The following SMIM31 variants were observed in gnomAD, a reference collection of about 807,000 sequenced individuals.
SMIM31 encodes small integral membrane protein 31.
chr4:164,781,654 A>T (rs6855375), intron 2 of SMIM31, among the ~76,000 whole-genome samples: 11,796 of 152,000 alleles, frequency 0.078, 1,278 homozygotes, highest in African/African-American at 0.24. Flanking sequence ...CACTTCCCCA[A>T]CCCACCTCGT....
intron 2 of SMIM31, among the ~76,000 whole-genome samples, chr4:164,784,234 A>G (rs1006573650): frequency 9.9e-5 from 15 of 152,214 alleles, no homozygotes; most frequent in African/African-American, 3.6e-4. Context: ...TAAGGGGACA[A>G]AAGACGTTCC....
chr4:164,799,218 C>G (rs1409356296), intron 2 of SMIM31, among the ~76,000 whole-genome samples: 1 of 151,452 alleles, frequency 6.6e-6, no homozygotes, highest in African/African-American at 2.4e-5. Context: ...AAACCCCATC[C>G]CTCCAAAACT....
rs147369524 is a variant in SMIM31, at chr4:164,783,232, A to AC, written c.112+12677_112+12678insC. 4.5e-4 allele frequency among the ~76,000 whole-genome samples: 57 copies of AC among 127,272 alleles called. 3 individuals carry two copies. The South Asian group carries it at 0.014, about 30-fold the overall frequency. 83.5% of individuals were successfully genotyped at this position (127,272 alleles called of 152,430 possible). A position where few individuals can be genotyped will look rare whatever the true frequency, so the allele number is the denominator to read the frequency against. ...GACTCTGTCTCAAAAAAAAAAAAAAAGGAATTTCTGGCCGGGTGCTGTGGC... is the reference window on the plus strand; with the variant it reads ...GACTCTGTCTCAAAAAAAAAAAAAAACGGAATTTCTGGCCGGGTGCTGTGGC... On this transcript the variant is annotated intron_variant, in intron 2 of 2. Transcript: ENST00000507311.
chr4:164,773,025 G>A (rs1732832250), intron 2 of SMIM31, among the ~76,000 whole-genome samples: 2 of 74,114 alleles, frequency 2.7e-5, no homozygotes, highest in Admixed American at 2.0e-4. Flanking sequence ...AAGACACTTG[G>A]CTTTAAAAAA....
chr4:164,797,298 ATCTC>A, intron 2 of SMIM31, among the ~76,000 whole-genome samples: 1 of 152,010 alleles, frequency 6.6e-6, no homozygotes, highest in East Asian at 1.9e-4. Context: ...TTTATTGTCT[ATCTC>A]TGTCTGCAAG....
At chr4:164,794,179 C>A (rs1039411946) in intron 2 of SMIM31, among the ~76,000 whole-genome samples, 1 of 151,454 alleles carries the variant, frequency 6.6e-6, no homozygotes, top group Admixed American at 6.6e-5. Flanking sequence ...GAGTTCCAGA[C>A]CAGCCTGGGC....
intron 2 of SMIM31, among the ~76,000 whole-genome samples, chr4:164,785,973 G>T (rs1399633385): frequency 6.6e-6 from 1 of 152,018 alleles, no homozygotes; most frequent in African/African-American, 2.4e-5. Context: ...GAGGGATGGT[G>T]GTTGTCCCTA....
chr4:164,782,690 A>T (rs1732970392), intron 2 of SMIM31, among the ~76,000 whole-genome samples: 1 of 151,856 alleles, frequency 6.6e-6, no homozygotes, highest in Admixed American at 6.5e-5. Flanking sequence ...AAAGAATGCT[A>T]CTTAATTCAG....
intron 2 of SMIM31, among the ~76,000 whole-genome samples, chr4:164,779,430 T>G (rs1380385630): frequency 1.3e-5 from 2 of 152,224 alleles, no homozygotes; most frequent in Non-Finnish European, 2.9e-5. Context: ...GGAAAGCCCC[T>G]ATTAGCAAAA....
Position 164,778,948 on chromosome 4 carries a change from C to T in SMIM31, c.112+8393C>T, listed in dbSNP as rs554951565. On this transcript the variant is annotated intron_variant, in intron 2 of 2. Transcript: ENST00000507311. The stretch of plus-strand genomic sequence containing the variant: ...TGTGAATTAAAAATGGCCTCTCAAC[C>T]TGGAAAAAATGTAAAATAATATTGA... Among the ~76,000 whole-genome samples, 12 of 151,268 alleles carry T rather than the reference C, an allele frequency of 7.9e-5. No homozygotes were observed. In the South Asian group the frequency reaches 2.5e-3, roughly 32 times the overall value.
At chr4:164,771,982 C>T (rs1194970365) in intron 2 of SMIM31, among the ~76,000 whole-genome samples, 2 of 152,144 alleles carry the variant, frequency 1.3e-5, no homozygotes, top group African/African-American at 2.4e-5. Context: ...ATCTTGTTTG[C>T]CTGTAAGCAT....
intron 1 of SMIM31, among the ~76,000 whole-genome samples, chr4:164,760,374 G>A (rs1405656979): frequency 6.6e-6 from 1 of 152,128 alleles, no homozygotes; most frequent in African/African-American, 2.4e-5. Flanking sequence ...CTTGTGAGTA[G>A]TAGTGCTTCA....
intron 1 of SMIM31, among the ~76,000 whole-genome samples, chr4:164,762,935 T>C (rs139658017): frequency 6.6e-6 from 1 of 152,180 alleles, no homozygotes; most frequent in East Asian, 1.9e-4. Context: ...TGGGCAAAAA[T>C]AAAGCTCTAA....
chr4:164,772,717 T>C (rs1034300199), intron 2 of SMIM31, among the ~76,000 whole-genome samples: 5 of 151,734 alleles, frequency 3.3e-5, no homozygotes, highest in Non-Finnish European at 5.9e-5. Context: ...TAGCTGGGAC[T>C]ACAGGCGCCC....
At chr4:164,777,079 G>A (rs1732888406) in intron 2 of SMIM31, among the ~76,000 whole-genome samples, 1 of 152,184 alleles carries the variant, frequency 6.6e-6, no homozygotes, top group Non-Finnish European at 1.5e-5. Flanking sequence ...AAAACTCAGT[G>A]ACATGAAGCA....
chr4:164,772,164 C>T (rs146746214), intron 2 of SMIM31, among the ~76,000 whole-genome samples: 1 of 152,256 alleles, frequency 6.6e-6, no homozygotes, highest in African/African-American at 2.4e-5. Flanking sequence ...CTCAGAAAGC[C>T]TCCAATCATG....
At chr4:164,756,047 C>T (rs1732556611) in intron 1 of SMIM31, among the ~76,000 whole-genome samples, 1 of 152,110 alleles carries the variant, frequency 6.6e-6, no homozygotes, top group African/African-American at 2.4e-5. Flanking sequence ...AACTTTACCC[C>T]TAAACATTTA....
chr4:164,796,916 G>A (rs993242793), intron 2 of SMIM31, among the ~76,000 whole-genome samples: 9 of 152,124 alleles, frequency 5.9e-5, no homozygotes, highest in African/African-American at 2.2e-4. Flanking sequence ...TTCCTACAAT[G>A]ACTAACAGAG....
intron 2 of SMIM31, among the ~76,000 whole-genome samples, chr4:164,794,337 T>G (rs1240873328): frequency 6.6e-6 from 1 of 152,032 alleles, no homozygotes; most frequent in Non-Finnish European, 1.5e-5. Flanking sequence ...CATGAATGAT[T>G]GTGCCACTGC....
Sources: gnomAD v4.1 joint callset for allele counts (sites outside exome capture counted in the v4.1 genomes callset) on GRCh38, gnomAD v4.1.1 for gene constraint, MANE v1.5 for transcripts, NCBI Gene and HGNC (gene_info 2026-07-23, HGNC 2026-07-21) for gene names.